Variants in ZNF69 observed in about 807,000 individuals in gnomAD.
The protein encoded by ZNF69 is ZNF3.
In ZNF69, 47 loss-of-function variants were observed where a neutral mutation model predicts 50.9. The ratio of observed to expected loss-of-function variants is 0.92; its 90% CI spans 0.73 to 1.18. ZNF69 has a LOEUF of 1.18. Among genes scored for constraint, ZNF69 ranks in the 50% most tolerant of loss-of-function variants. The probability of loss-of-function intolerance (pLI) is 0.00; values close to 1 mark genes in which losing one functional copy is unlikely to be tolerated. For missense variants in ZNF69, 717 were observed against 675.1 expected (o/e 1.06, Z -0.69); for synonymous variants, 216 against 223.1 (o/e 0.97, Z 0.29).
chr19:11,953,730 G>A, the ZNF69 span, among the ~76,000 whole-genome samples: 3 of 152,138 alleles, frequency 2.0e-5, no homozygotes, highest in African/African-American at 7.2e-5. Context: ...GTGGAAAGAG[G>A]GCAGCAGGTC....
chr19:11,890,165 A>G (rs954528569), intron 1 of ZNF69, among the ~76,000 whole-genome samples: 2 of 152,074 alleles, frequency 1.3e-5, no homozygotes, highest in African/African-American at 2.4e-5. Context: ...CTCTTTCACT[A>G]TTCCTCCTCA....
the ZNF69 span, among the ~76,000 whole-genome samples, chr19:11,955,971 A>G: frequency 6.6e-6 from 1 of 152,206 alleles, no homozygotes; most frequent in Non-Finnish European, 1.5e-5. Flanking sequence ...TATTGAGTTT[A>G]TGTGAACACA....
chr19:11,938,916 T>C, the ZNF69 span, among the ~76,000 whole-genome samples: 1 of 152,208 alleles, frequency 6.6e-6, no homozygotes, highest in Non-Finnish European at 1.5e-5. Flanking sequence ...ATGATTGCCA[T>C]TCTAACTGGT....
At chr19:11,913,666 G>A (rs1331583092) in exon 5 of ZNF69, 17 of 274,004 alleles carry the variant, frequency 6.2e-5, no homozygotes, top group Non-Finnish European at 9.4e-5. Flanking sequence ...TGGGATTACA[G>A]ATATGAGCCA....
intron 3 of ZNF69, 94 bp from the exon 4 acceptor site, chr19:11,904,555 T>G: frequency 1.0e-5 from 15 of 1,485,256 alleles, no homozygotes; most frequent in Non-Finnish European, 1.4e-5. Context: ...TACACTTTGA[T>G]GGACAGTGTT....
chr19:11,963,989 A>G, the ZNF69 span, among the ~76,000 whole-genome samples: 2 of 152,254 alleles, frequency 1.3e-5, no homozygotes, highest in Non-Finnish European at 2.9e-5. Flanking sequence ...ACATAGGAGG[A>G]GAGCAGGGGT....
chr19:11,973,784 T>A, the ZNF69 span, among the ~76,000 whole-genome samples: 1 of 151,982 alleles, frequency 6.6e-6, no homozygotes, highest in Non-Finnish European at 1.5e-5. Flanking sequence ...TGAGTAAGGC[T>A]GCTAAAAATG....
the ZNF69 span, among the ~76,000 whole-genome samples, chr19:11,937,705 G>A: frequency 1.3e-5 from 2 of 151,784 alleles, no homozygotes; most frequent in African/African-American, 4.8e-5. Flanking sequence ...AGCCAGGATG[G>A]TCTCGATCTC....
At chr19:11,923,507 C>A in the ZNF69 span, among the ~76,000 whole-genome samples, 5 of 152,204 alleles carry the variant, frequency 3.3e-5, no homozygotes, top group Non-Finnish European at 7.3e-5. Flanking sequence ...CGCACTGCTG[C>A]AGAGCCCAGT....
At chr19:11,908,476 C>T (rs955490623), downstream of ZNF69, among the ~76,000 whole-genome samples, 5 of 152,158 alleles carry the variant, frequency 3.3e-5, no homozygotes, top group African/African-American at 9.7e-5. Context: ...AACTGTCTCT[C>T]GGACCACAGA....
intron 1 of ZNF69, among the ~76,000 whole-genome samples, chr19:11,893,660 G>A (rs774226747): frequency 2.6e-5 from 4 of 152,102 alleles, no homozygotes; most frequent in Non-Finnish European, 4.4e-5. Flanking sequence ...AGAACTGCCC[G>A]GGGCTGACTC....
chr19:11,928,751 A>G, the ZNF69 span, among the ~76,000 whole-genome samples: 3 of 139,548 alleles, frequency 2.1e-5, no homozygotes, highest in South Asian at 2.1e-4. Flanking sequence ...AAAAAAAAAA[A>G]GAAAGTAGTC....
chr19:11,920,273 G>A, the ZNF69 span, among the ~76,000 whole-genome samples: 4 of 151,808 alleles, frequency 2.6e-5, no homozygotes, highest in Non-Finnish European at 1.5e-5. Flanking sequence ...TACCATGTCC[G>A]GATAATTTTT....
chr19:11,905,803 T>C lies in ZNF69; in HGVS notation c.1406T>C (p.Val469Ala). The change falls in exon 4 of 4, where the codon GTA (valine) becomes GCA (alanine). Residue 469 changes from valine (V) to alanine (A), a missense_variant. Physicochemically the swap from Val to Ala is moderately conservative, Grantham distance 64 (BLOSUM62 0). Transcript: ENST00000429654. Reference sequence around the variant, plus strand: ...AGTCATGAAAGGACACAAACACACGTAAGAATACACTCTGGAGAAAGACCT... The same window carrying C: ...AGTCATGAAAGGACACAAACACACGCAAGAATACACTCTGGAGAAAGACCT... ...LQSHERTQTHVRIHSGERPYK... is the reference protein window; with the variant it reads ...LQSHERTQTHARIHSGERPYK... 1 of 1,612,318 alleles carries C rather than the reference T, an allele frequency of 6.2e-7. No individual in the cohort carries two copies.
chr19:11,978,300 A>G, the ZNF69 span: 1 of 1,614,174 alleles, frequency 6.2e-7, no homozygotes, highest in Non-Finnish European at 8.5e-7. Flanking sequence ...TATGAACATC[A>G]GAGGTGACAT....
At chr19:11,942,396 T>C in the ZNF69 span, among the ~76,000 whole-genome samples, 1 of 152,012 alleles carries the variant, frequency 6.6e-6, no homozygotes, top group Non-Finnish European at 1.5e-5. Flanking sequence ...TGACAGGTGC[T>C]ACAGACCCAC....
chr19:11,924,133 T>C, the ZNF69 span, among the ~76,000 whole-genome samples: 12 of 152,136 alleles, frequency 7.9e-5, no homozygotes, highest in East Asian at 1.9e-3. Context: ...GTTATTTGTA[T>C]AGATAAAGAA....
At chr19:11,901,064 T>G (rs59818645) in intron 1 of ZNF69, among the ~76,000 whole-genome samples, 4,132 of 152,260 alleles carry the variant, frequency 0.027, 173 homozygotes, top group African/African-American at 0.086. Flanking sequence ...ACCATTTGTT[T>G]TGTGCCACCA....
the ZNF69 span, among the ~76,000 whole-genome samples, chr19:11,968,342 C>T: frequency 6.6e-6 from 1 of 152,054 alleles, no homozygotes; most frequent in African/African-American, 2.4e-5. Flanking sequence ...GCCTTGACCT[C>T]CCCAGCTCAA....
Sources: allele counts gnomAD v4.1 joint callset (sites outside exome capture counted in the v4.1 genomes callset), GRCh38; gene constraint gnomAD v4.1.1; transcripts MANE v1.5; gene names NCBI Gene and HGNC (gene_info 2026-07-23, HGNC 2026-07-21).